Variants in GPHN observed in about 807,000 individuals in gnomAD.
The protein encoded by GPHN is gephyrin.
GPHN carries 17 observed loss-of-function variants against 95.5 expected under a neutral mutation model. That is an observed-to-expected ratio of 0.18 (90% CI 0.12 to 0.27). The LOEUF is 0.27. GPHN is among the 10% of genes least tolerant of loss of function. GPHN has a pLI of 1.00. For missense variants in GPHN, 660 were observed against 978.1 expected, an observed-to-expected ratio of 0.67 and a Z score of 4.34; for synonymous variants, 320 against 322.5, an observed-to-expected ratio of 0.99 and a Z score of 0.08.
At chr14:66,629,168 AAT>A (rs568151658) in intron 1 of GPHN, among the ~76,000 whole-genome samples, 1,374 of 100,646 alleles carry the variant, frequency 0.014, 151 homozygotes, top group African/African-American at 0.045. Context: ...TATGTATATA[AAT>A]ATATATATAC....
the GPHN span, among the ~76,000 whole-genome samples, chr14:67,465,592 A>T: frequency 2.0e-5 from 3 of 152,178 alleles, no homozygotes; most frequent in African/African-American, 7.2e-5. Context: ...ATGACCACAC[A>T]CTGTGCTTCC....
the GPHN span, among the ~76,000 whole-genome samples, chr14:67,715,749 T>A: frequency 2.0e-5 from 3 of 152,336 alleles, no homozygotes; most frequent in East Asian, 5.8e-4. Context: ...TAAATTAGGA[T>A]ATCTTAGAAT....
intron 2 of GPHN, 98 bp from the exon 3 acceptor site, chr14:66,776,366 G>A (rs2059382726): frequency 2.5e-6 from 2 of 799,888 alleles, no homozygotes; most frequent in Non-Finnish European, 2.3e-6. Flanking sequence ...GTGAATACTG[G>A]GAGTTATTGG....
At chr14:67,194,972 T>G in the GPHN span, among the ~76,000 whole-genome samples, 1 of 152,312 alleles carries the variant, frequency 6.6e-6, no homozygotes, top group Non-Finnish European at 1.5e-5. Context: ...CTCAAAGTGC[T>G]AAGATTACAG....
chr14:66,916,641 G>T (rs1030846465), intron 6 of GPHN, among the ~76,000 whole-genome samples: 3 of 151,982 alleles, frequency 2.0e-5, no homozygotes, highest in Middle Eastern at 3.2e-3. Flanking sequence ...ACACCATGTG[G>T]CCAAAAGTCC....
At chr14:67,304,431 G>A in the GPHN span, among the ~76,000 whole-genome samples, 9 of 152,182 alleles carry the variant, frequency 5.9e-5, no homozygotes, top group Non-Finnish European at 8.8e-5. Flanking sequence ...GACAAAATAT[G>A]TATGTATGAT....
chr14:67,450,208 T>C, the GPHN span, among the ~76,000 whole-genome samples: 1 of 152,138 alleles, frequency 6.6e-6, no homozygotes, highest in Admixed American at 6.5e-5. Context: ...TATGGAACTG[T>C]AAGTCATTAA....
At chr14:66,558,651 A>G (rs2060104918) in intron 1 of GPHN, among the ~76,000 whole-genome samples, 1 of 152,112 alleles carries the variant, frequency 6.6e-6, no homozygotes, top group African/African-American at 2.4e-5. Context: ...ATGTCATTTA[A>G]TATAGAGTTC....
chr14:67,574,429 GA>G, the GPHN span: 1 of 1,482,346 alleles, frequency 6.7e-7, no homozygotes, highest in African/African-American at 1.4e-5. The surrounding 1 kb of genome is among the most constrained non-coding windows in gnomAD (Gnocchi z 4.2). Flanking sequence ...GATAGGGCAG[GA>G]ACATGTGCCT....
intron 8 of GPHN, among the ~76,000 whole-genome samples, chr14:66,954,050 A>G (rs1254384210): frequency 6.6e-6 from 1 of 151,996 alleles, no homozygotes; most frequent in Admixed American, 6.6e-5. Flanking sequence ...AAAAAAAAAA[A>G]AAGGAAGAAA....
chr14:66,685,022 G>T (rs1566815636), intron 2 of GPHN, among the ~76,000 whole-genome samples: 1 of 152,052 alleles, frequency 6.6e-6, no homozygotes, highest in Non-Finnish European at 1.5e-5. Context: ...TACTTGGGAT[G>T]GTTTGCTGAG....
At chr14:66,954,253 A>G (rs1482377872) in intron 8 of GPHN, among the ~76,000 whole-genome samples, 1 of 152,134 alleles carries the variant, frequency 6.6e-6, no homozygotes, top group East Asian at 1.9e-4. Flanking sequence ...AATATTAAGT[A>G]TTGCATTCCA....
chr14:66,917,943 G>T (rs767988527), intron 6 of GPHN, among the ~76,000 whole-genome samples: 2 of 152,154 alleles, frequency 1.3e-5, no homozygotes, highest in Non-Finnish European at 2.9e-5. Flanking sequence ...GACACCAACT[G>T]TAAGGAGTTT....
In GPHN at chr14:66,767,509, C is replaced by G. The variant is rs545757762; in HGVS notation, c.144-8955C>G. On this transcript the variant is annotated intron_variant, in intron 2 of 22. Transcript: ENST00000478722. ...AATAGTGAATAATTCTGGGATTGAG[C>G]CTAGAGAAGTAGAAAGTGTTTTATC... Among the ~76,000 whole-genome samples the G allele has an allele frequency of 1.6e-4, 24 of 150,458 alleles. No homozygotes were observed. The East Asian group carries it at 4.7e-3, about 29-fold the overall frequency.
chr14:66,548,539 A>C (rs913199739), intron 1 of GPHN, among the ~76,000 whole-genome samples: 2 of 152,206 alleles, frequency 1.3e-5, no homozygotes, highest in Admixed American at 1.3e-4. Flanking sequence ...GGTGAACATA[A>C]TATGTGAATT....
the GPHN span, chr14:67,663,135 C>A: frequency 6.5e-7 from 1 of 1,528,944 alleles, no homozygotes; most frequent in Non-Finnish European, 8.7e-7. Context: ...TCAGCCTTTC[C>A]CATTCTGTCC....
At chr14:66,793,979 A>C (rs1001281815) in intron 3 of GPHN, among the ~76,000 whole-genome samples, 2 of 152,222 alleles carry the variant, frequency 1.3e-5, no homozygotes, top group African/African-American at 4.8e-5. Flanking sequence ...ATCATAAGGC[A>C]TACATTGTCA....
At chr14:66,558,895 A>AC (rs2060116391) in intron 1 of GPHN, among the ~76,000 whole-genome samples, 1 of 109,940 alleles carries the variant, frequency 9.1e-6, no homozygotes, top group Admixed American at 9.3e-5. Context: ...CCCTCCCCCA[A>AC]CCCCACAACA....
At chr14:66,717,000 C>G (rs2070244114) in intron 2 of GPHN, among the ~76,000 whole-genome samples, 1 of 152,180 alleles carries the variant, frequency 6.6e-6, no homozygotes, top group African/African-American at 2.4e-5. Flanking sequence ...AGGCGATGAT[C>G]TTTTTGTGAT....
Sources: gnomAD v4.1 joint callset for allele counts (sites outside exome capture counted in the v4.1 genomes callset) on GRCh38, gnomAD v4.1.1 for gene constraint, Gnocchi (gnomAD v3.1) non-coding constraint, MANE v1.5 for transcripts, NCBI Gene and HGNC (gene_info 2026-07-23, HGNC 2026-07-21) for gene names.